Variants in MCF2L2 observed in about 807,000 individuals in gnomAD.
MCF2L2 encodes probable guanine nucleotide exchange factor MCF2L2.
Under a neutral mutation model 150.2 loss-of-function variants are expected in MCF2L2, and 102 were observed. The observed-to-expected ratio is 0.68, with a 90% CI of 0.58 to 0.80. The LOEUF (loss-of-function observed/expected upper bound fraction) is 0.80, where lower values mean the gene tolerates loss of function less well. Ranked by LOEUF, MCF2L2 falls within the 30% of genes least tolerant of loss-of-function variation. MCF2L2 has a pLI of 0.00. For synonymous variants in MCF2L2, 465 were observed against 491.3 expected (o/e 0.95, Z 0.71); for missense variants, 1,256 against 1,372.8 (o/e 0.91, Z 1.34).
At chr3:183,394,398 G>A (rs1333460147) in intron 1 of MCF2L2, among the ~76,000 whole-genome samples, 1 of 152,138 alleles carries the variant, frequency 6.6e-6, no homozygotes, top group Admixed American at 6.5e-5. Context: ...ACCTCTTCCA[G>A]CCCGCCCCAC....
At chr3:183,371,130 T>C (rs1288504512) in intron 3 of MCF2L2, among the ~76,000 whole-genome samples, 1 of 152,238 alleles carries the variant, frequency 6.6e-6, no homozygotes, top group Non-Finnish European at 1.5e-5. Flanking sequence ...TGCTCGTTAA[T>C]GTTGTTTAGA....
At chr3:183,209,567 C>T (rs1255014834) in intron 22 of MCF2L2, among the ~76,000 whole-genome samples, 2 of 152,184 alleles carry the variant, frequency 1.3e-5, no homozygotes, top group Non-Finnish European at 2.9e-5. Flanking sequence ...TGGCTCACCG[C>T]AACCTCTGTC....
Position 183,343,864 on chromosome 3 carries a change from A to G in MCF2L2, c.276-2234T>C, listed in dbSNP as rs192693069. ...ATAGCATGAAGAACGGAATGCAGTA[A>G]GTAAAATTACTTTTACTTACTATTA... On this transcript the variant is annotated intron_variant, in intron 3 of 29. Transcript: ENST00000328913. Among the ~76,000 whole-genome samples the G allele has an allele frequency of 8.8e-3, 1,347 of 152,308 alleles. 9 individuals carry two copies. The highest frequency in any genetic ancestry group is 0.013 in the Non-Finnish European group (874 of 68,030).
At chr3:183,204,669 C>T (rs73886270) in intron 25 of MCF2L2, among the ~76,000 whole-genome samples, 1,874 of 152,046 alleles carry the variant, frequency 0.012, 31 homozygotes, top group African/African-American at 0.043. Flanking sequence ...CCAAAGAAAA[C>T]TGGAAATAAA....
At chr3:183,398,294 C>T (rs577362031) in intron 1 of MCF2L2, among the ~76,000 whole-genome samples, 10 of 152,222 alleles carry the variant, frequency 6.6e-5, no homozygotes, top group South Asian at 2.1e-4. Flanking sequence ...AGTTTGCTTT[C>T]GCCACTCTCT....
At chr3:183,419,469 T>G (rs1002406192) in intron 1 of MCF2L2, among the ~76,000 whole-genome samples, 1 of 152,256 alleles carries the variant, frequency 6.6e-6, no homozygotes, top group African/African-American at 2.4e-5. Flanking sequence ...TCAGGTAGGC[T>G]GCAAAATTTC....
At chr3:183,294,301 G>C (rs539563708) in intron 13 of MCF2L2, among the ~76,000 whole-genome samples, 2 of 151,972 alleles carry the variant, frequency 1.3e-5, no homozygotes, top group African/African-American at 2.4e-5. Flanking sequence ...GTCCTGAATG[G>C]GGTCTATTTT....
At chr3:183,224,255 A>G in intron 18 of MCF2L2, 65 bp from the exon 19 acceptor site, 1 of 1,031,580 alleles carries the variant, frequency 9.7e-7, no homozygotes, top group Admixed American at 1.7e-5. Flanking sequence ...ACAGGATGAT[A>G]CAGTTTATTC....
chr3:183,246,872 G>GT (rs1046854458), intron 15 of MCF2L2, among the ~76,000 whole-genome samples: 23 of 152,028 alleles, frequency 1.5e-4, no homozygotes, highest in Non-Finnish European at 2.9e-4. Context: ...TTAAAAAAAC[G>GT]TAATAGCTAA....
At chr3:183,409,437 T>C (rs1286168478) in intron 1 of MCF2L2, among the ~76,000 whole-genome samples, 2 of 151,972 alleles carry the variant, frequency 1.3e-5, no homozygotes, top group Non-Finnish European at 2.9e-5. Context: ...GCCTCAAATT[T>C]CTCCTCCATA....
intron 7 of MCF2L2, among the ~76,000 whole-genome samples, chr3:183,312,494 G>A (rs1415876912): frequency 1.3e-5 from 2 of 152,144 alleles, no homozygotes; most frequent in African/African-American, 4.8e-5. Flanking sequence ...AAACAAAAGT[G>A]GCAGAGCCTG....
At chr3:183,425,943 G>T (rs570830700) in intron 1 of MCF2L2, among the ~76,000 whole-genome samples, 2 of 148,106 alleles carry the variant, frequency 1.4e-5, no homozygotes, top group African/African-American at 5.1e-5. Context: ...CAACAAGAGC[G>T]AAACTCCATC....
intron 24 of MCF2L2, 69 bp downstream of exon 24, chr3:183,206,053 A>G: frequency 1.3e-6 from 2 of 1,564,624 alleles, no homozygotes; most frequent in Non-Finnish European, 1.8e-6. Context: ...GATAGAAAAC[A>G]CTTGTCAAGT....
intron 3 of MCF2L2, among the ~76,000 whole-genome samples, chr3:183,346,393 G>A (rs909450370): frequency 6.6e-6 from 1 of 152,122 alleles, no homozygotes; most frequent in Non-Finnish European, 1.5e-5. Flanking sequence ...CATAAAGTAG[G>A]TATTGATGGA....
chr3:183,424,133 AC>A (rs566523951), intron 1 of MCF2L2, among the ~76,000 whole-genome samples: 183 of 152,330 alleles, frequency 1.2e-3, no homozygotes, highest in South Asian at 3.3e-3. Context: ...GGAAAATCAA[AC>A]AATATTTTTC....
intron 18 of MCF2L2, chr3:183,226,615 G>T (rs1038406988): frequency 6.6e-5 from 10 of 152,166 alleles, no homozygotes; most frequent in Admixed American, 5.9e-4. Flanking sequence ...TTCAGAAAAG[G>T]TATTTAGTTA....
In MCF2L2 at chr3:183,427,997, G is replaced by A. The variant is rs200417313; in HGVS notation, c.-20C>T. On this transcript the variant is annotated 5_prime_UTR_variant, in exon 1 of 30. In the 5' UTR this introduces an upstream ATG that the reference lacks. Transcript: ENST00000328913. ...CAGCATTTCACTGAAAAACCATTCCGTATAAATAAAGCCAAACAAAACTGT... is the reference window on the plus strand; with the variant it reads ...CAGCATTTCACTGAAAAACCATTCCATATAAATAAAGCCAAACAAAACTGT... 37 of 1,596,900 alleles carry A rather than the reference G, an allele frequency of 2.3e-5. No homozygotes were observed. The Admixed American group carries it at 6.0e-4, about 26-fold the overall frequency.
chr3:183,331,968 C>T (rs1267065009), intron 5 of MCF2L2, among the ~76,000 whole-genome samples: 1 of 152,182 alleles, frequency 6.6e-6, no homozygotes, highest in Non-Finnish European at 1.5e-5. Context: ...ATCCTTGACC[C>T]ACCTGATTCC....
chr3:183,410,703 T>C (rs1237611609), intron 1 of MCF2L2, among the ~76,000 whole-genome samples: 2 of 152,230 alleles, frequency 1.3e-5, no homozygotes, highest in South Asian at 2.1e-4. Context: ...GTATTTTACA[T>C]TCTTAATGAT....
Sources: allele counts gnomAD v4.1 joint callset (sites outside exome capture counted in the v4.1 genomes callset), GRCh38; gene constraint gnomAD v4.1.1; transcripts MANE v1.5; gene names NCBI Gene and HGNC (gene_info 2026-07-23, HGNC 2026-07-21).